Variants in KIAA1958 observed in about 807,000 individuals in gnomAD.
The protein encoded by KIAA1958 is uncharacterized protein KIAA1958.
A neutral mutation model predicts 47.2 loss-of-function variants in KIAA1958; 14 were observed. The observed-to-expected ratio is 0.30, with a 90% CI of 0.20 to 0.46. The LOEUF is 0.46. Ranked by LOEUF, KIAA1958 falls within the 20% of genes least tolerant of loss-of-function variation. KIAA1958 has a pLI of 1.00. For synonymous variants in KIAA1958, 354 were observed against 353.3 expected (o/e 1.00, Z -0.02); for missense variants, 803 against 909.2 (o/e 0.88, Z 1.50).
chr9:112,614,373 A>G (rs185969439), intron 2 of KIAA1958, among the ~76,000 whole-genome samples: 36 of 152,344 alleles, frequency 2.4e-4, no homozygotes, highest in Admixed American at 3.9e-4. Context: ...AATTAATCAC[A>G]TGCACTTAAT....
intron 3 of KIAA1958, among the ~76,000 whole-genome samples, chr9:112,658,463 A>C (rs1837192757): frequency 6.6e-6 from 1 of 152,224 alleles, no homozygotes; most frequent in East Asian, 1.9e-4. Context: ...AAGAAAACCA[A>C]GGGCCTTCCA....
chr9:112,572,258 C>G (rs578101132), intron 1 of KIAA1958, among the ~76,000 whole-genome samples: 3 of 152,282 alleles, frequency 2.0e-5, no homozygotes, highest in South Asian at 4.1e-4. Flanking sequence ...ATTTATGTGT[C>G]TGACTTGAGA....
intron 1 of KIAA1958, among the ~76,000 whole-genome samples, chr9:112,499,167 A>G (rs998712184): frequency 8.5e-5 from 13 of 152,208 alleles, no homozygotes; most frequent in Admixed American, 2.6e-4. Flanking sequence ...GTTTGATTAC[A>G]TGTCTTGGCT....
In KIAA1958 at chr9:112,537,882, A is replaced by G. The variant is rs1188045996; in HGVS notation, c.-24-36175A>G. Among the ~76,000 whole-genome samples, 6 of 152,360 alleles carry G rather than the reference A, an allele frequency of 3.9e-5. No individual in the cohort carries two copies. In the East Asian group the frequency reaches 1.2e-3, roughly 29 times the overall value. On this transcript the variant is annotated intron_variant, in intron 1 of 3. Coordinates refer to ENST00000337530, the MANE Select transcript of KIAA1958 (RefSeq NM_133465.4). ...ATTTAGGAAAATTTTCACATTAACA[A>G]AAGAAAAAAGTTGGAAAGAATGGCA...
intron 2 of KIAA1958, among the ~76,000 whole-genome samples, chr9:112,587,731 T>C: frequency 6.6e-6 from 1 of 152,208 alleles, no homozygotes; most frequent in East Asian, 1.9e-4. Context: ...GTAATACATA[T>C]ATATGGCAAT....
chr9:112,599,868 T>G (rs1260119649), intron 2 of KIAA1958, among the ~76,000 whole-genome samples: 1 of 152,226 alleles, frequency 6.6e-6, no homozygotes, highest in Admixed American at 6.5e-5. Context: ...CTTGATTCAG[T>G]GTCTCTGGCA....
chr9:112,602,268 A>G (rs1588035538), intron 2 of KIAA1958, among the ~76,000 whole-genome samples: 1 of 152,198 alleles, frequency 6.6e-6, no homozygotes, highest in Non-Finnish European at 1.5e-5. Flanking sequence ...TATTGCTATA[A>G]TATTTTCAAA....
chr9:112,500,025 G>C (rs1239252804), intron 1 of KIAA1958, among the ~76,000 whole-genome samples: 1 of 151,940 alleles, frequency 6.6e-6, no homozygotes, highest in African/African-American at 2.4e-5. Context: ...TTTATATACT[G>C]GGTTAAGGTA....
intron 2 of KIAA1958, among the ~76,000 whole-genome samples, chr9:112,622,671 C>T (rs1215941423): frequency 6.6e-6 from 1 of 152,120 alleles, no homozygotes; most frequent in Non-Finnish European, 1.5e-5. Flanking sequence ...AAATCACTGC[C>T]TGTTCTACAA....
At chr9:112,622,383 C>T (rs1175553998) in intron 2 of KIAA1958, among the ~76,000 whole-genome samples, 2 of 152,224 alleles carry the variant, frequency 1.3e-5, no homozygotes, top group Non-Finnish European at 2.9e-5. Context: ...AACAAAAACA[C>T]TGAACACTGT....
intron 3 of KIAA1958, among the ~76,000 whole-genome samples, chr9:112,649,469 A>T (rs1446189050): frequency 6.6e-6 from 1 of 152,116 alleles, no homozygotes; most frequent in African/African-American, 2.4e-5. Context: ...TGAGAATTTT[A>T]AAAAATAATC....
At chr9:112,529,588 ATATT>A (rs1834718088) in intron 1 of KIAA1958, among the ~76,000 whole-genome samples, 1 of 152,176 alleles carries the variant, frequency 6.6e-6, no homozygotes, top group Non-Finnish European at 1.5e-5. Context: ...TTGGGTTTGT[ATATT>A]TTTCTCATAG....
intron 1 of KIAA1958, among the ~76,000 whole-genome samples, chr9:112,571,809 A>C (rs1220289468): frequency 6.7e-6 from 1 of 150,070 alleles, no homozygotes; most frequent in Non-Finnish European, 1.5e-5. Context: ...ATAAATAAAT[A>C]AAAACAAAAA....
At position 112,585,004 on chromosome 9, in the gene KIAA1958, C is replaced by A. The variant is rs534258051; in HGVS notation, c.1171+9753C>A. Among the ~76,000 whole-genome samples, 3 of 152,268 alleles carry A rather than the reference C, an allele frequency of 2.0e-5. No homozygotes were observed. In the East Asian group the frequency reaches 5.8e-4, roughly 29 times the overall value. On this transcript the variant is annotated intron_variant, in intron 2 of 3. Transcript: ENST00000337530. ...AAAGTCGAGACTGCTAGGTTATATCCTAAAGAGGTCATTTATTTTTAAAAT... is the reference window on the plus strand; with the variant it reads ...AAAGTCGAGACTGCTAGGTTATATCATAAAGAGGTCATTTATTTTTAAAAT...
chr9:112,568,036 T>C (rs1835457691), intron 1 of KIAA1958, among the ~76,000 whole-genome samples: 1 of 151,944 alleles, frequency 6.6e-6, no homozygotes, highest in Non-Finnish European at 1.5e-5. Flanking sequence ...TTTTACATTT[T>C]TAAAAATTTT....
intron 2 of KIAA1958, chr9:112,619,224 T>C (rs972887927): frequency 6.3e-6 from 1 of 159,356 alleles, no homozygotes; most frequent in African/African-American, 2.4e-5. Context: ...TTTTAAAAAC[T>C]GTCAAAAAGG....
At chr9:112,639,819 G>A (rs921315553) in intron 2 of KIAA1958, among the ~76,000 whole-genome samples, 10 of 152,136 alleles carry the variant, frequency 6.6e-5, no homozygotes, top group African/African-American at 2.4e-4. Flanking sequence ...TGGTATAAAT[G>A]TCTACCTCAT....
intron 1 of KIAA1958, among the ~76,000 whole-genome samples, chr9:112,565,440 TC>T (rs1402027046): frequency 6.6e-6 from 1 of 152,188 alleles, no homozygotes; most frequent in Admixed American, 6.5e-5. Flanking sequence ...ACTTGATAAC[TC>T]TGTAAGTGTC....
intron 1 of KIAA1958, among the ~76,000 whole-genome samples, chr9:112,535,149 A>G (rs1834830528): frequency 1.3e-5 from 2 of 152,222 alleles, no homozygotes; most frequent in African/African-American, 4.8e-5. Flanking sequence ...TGTACGATAT[A>G]AACTATAGTG....
Sources: gnomAD v4.1 joint callset for allele counts (sites outside exome capture counted in the v4.1 genomes callset) on GRCh38, gnomAD v4.1.1 for gene constraint, MANE v1.5 for transcripts, NCBI Gene and HGNC (gene_info 2026-07-23, HGNC 2026-07-21) for gene names.